The following CATSPERT variants were observed in gnomAD, a reference collection of about 807,000 sequenced individuals.
The protein encoded by CATSPERT is cation channel sperm-associated targeting subunit tau.
the CATSPERT span, chr2:201,547,495 T>A: frequency 7.2e-7 from 1 of 1,396,252 alleles, no homozygotes; most frequent in Non-Finnish European, 9.9e-7. Flanking sequence ...GAATGTATTA[T>A]GTCAATTACC....
At chr2:201,550,011 A>C in the CATSPERT span, 1 of 152,154 alleles carries the variant, frequency 6.6e-6, no homozygotes, top group Non-Finnish European at 1.5e-5. Flanking sequence ...CAGACCTTAA[A>C]CCAGGAGATT....
chr2:201,505,646 G>A, the CATSPERT span, among the ~76,000 whole-genome samples: 3 of 151,854 alleles, frequency 2.0e-5, no homozygotes, highest in Non-Finnish European at 4.4e-5. Context: ...AACAAAACAA[G>A]GAAAATCAGA....
the CATSPERT span, chr2:201,553,494 T>A: frequency 6.6e-6 from 1 of 152,178 alleles, no homozygotes; most frequent in Non-Finnish European, 1.5e-5. Context: ...TCTTCTTATG[T>A]CAACTTAACA....
At chr2:201,547,501 T>C in the CATSPERT span, 1 of 1,452,452 alleles carries the variant, frequency 6.9e-7, no homozygotes. Flanking sequence ...ATTATGTCAA[T>C]TACCTCAGAA....
At chr2:201,515,231 T>TAG in the CATSPERT span, among the ~76,000 whole-genome samples, 6 of 78,180 alleles carry the variant, frequency 7.7e-5, 1 homozygote, top group African/African-American at 3.0e-4. Flanking sequence ...TTTTTTTTTT[T>TAG]TTTTTTTTTT....
the CATSPERT span, among the ~76,000 whole-genome samples, chr2:201,569,947 C>G: frequency 3.9e-5 from 6 of 152,160 alleles, no homozygotes; most frequent in Non-Finnish European, 8.8e-5. Flanking sequence ...CTTTCGGAGT[C>G]TGAAGTGGTG....
chr2:201,503,043 C>T, the CATSPERT span, among the ~76,000 whole-genome samples: 1 of 151,898 alleles, frequency 6.6e-6, no homozygotes, highest in Non-Finnish European at 1.5e-5. Context: ...CTAAAAATTC[C>T]TTTGGGGTTA....
chr2:201,487,789 A>T, the CATSPERT span: 1 of 1,614,110 alleles, frequency 6.2e-7, no homozygotes, highest in South Asian at 1.1e-5. Flanking sequence ...AGTGTCTGGC[A>T]TGGTTATGGA....
At chr2:201,514,347 T>A in the CATSPERT span, among the ~76,000 whole-genome samples, 1 of 152,164 alleles carries the variant, frequency 6.6e-6, no homozygotes. Flanking sequence ...TATAACCAAG[T>A]AGGGTTGATC....
chr2:201,501,896 C>G, the CATSPERT span, among the ~76,000 whole-genome samples: 1 of 152,174 alleles, frequency 6.6e-6, no homozygotes, highest in Admixed American at 6.5e-5. Flanking sequence ...GATTTAATCT[C>G]TTGACCCAGT....
the CATSPERT span, chr2:201,571,810 G>C: frequency 2.8e-6 from 2 of 713,156 alleles, no homozygotes; most frequent in Non-Finnish European, 4.7e-6. Flanking sequence ...CTTCACCTCA[G>C]AGTCTACCCC....
the CATSPERT span, among the ~76,000 whole-genome samples, chr2:201,590,058 A>C: frequency 6.6e-6 from 1 of 152,056 alleles, no homozygotes; most frequent in African/African-American, 2.4e-5. Flanking sequence ...ATATGTATAC[A>C]TGTGCCATGC....
the CATSPERT span, among the ~76,000 whole-genome samples, chr2:201,508,416 A>C: frequency 6.6e-6 from 1 of 152,278 alleles, no homozygotes; most frequent in Non-Finnish European, 1.5e-5. Context: ...ACAGAAAGAC[A>C]GACTGCATTT....
the CATSPERT span, among the ~76,000 whole-genome samples, chr2:201,589,725 A>G: frequency 1.3e-5 from 2 of 152,224 alleles, no homozygotes; most frequent in Admixed American, 6.5e-5. Flanking sequence ...TGAAGACACC[A>G]AAAGCAATCT....
At chr2:201,604,911 G>A in the CATSPERT span, among the ~76,000 whole-genome samples, 4 of 151,132 alleles carry the variant, frequency 2.6e-5, no homozygotes, top group Non-Finnish European at 5.9e-5. Flanking sequence ...AATCATGAAA[G>A]AAGAGAAAAG....
At chr2:201,595,906 CAAAAAAA>C in the CATSPERT span, among the ~76,000 whole-genome samples, 40 of 142,056 alleles carry the variant, frequency 2.8e-4, no homozygotes, top group South Asian at 6.6e-4. Context: ...ACTAAAAACT[CAAAAAAA>C]AAAAAAAAAA....
the CATSPERT span, chr2:201,491,236 G>C: frequency 6.5e-7 from 1 of 1,537,924 alleles, no homozygotes; most frequent in Non-Finnish European, 8.7e-7. Context: ...GTGAATTCTT[G>C]TGGTGGGCAG....
the CATSPERT span, chr2:201,493,490 T>C: frequency 6.5e-7 from 1 of 1,537,132 alleles, no homozygotes. Context: ...TGGTGTTCTT[T>C]ATCTAATTCT....
chr2:201,541,531 T>TTTTA, the CATSPERT span, among the ~76,000 whole-genome samples: 2 of 92,768 alleles, frequency 2.2e-5, no homozygotes, highest in African/African-American at 9.1e-5. Context: ...TCAGATGATT[T>TTTTA]TATATATATA....
Sources: allele counts gnomAD v4.1 joint callset (sites outside exome capture counted in the v4.1 genomes callset), GRCh38; gene constraint gnomAD v4.1.1; transcripts MANE v1.5; gene names NCBI Gene and HGNC (gene_info 2026-07-23, HGNC 2026-07-21).